The following LMO7 variants were observed in gnomAD, a reference collection of about 807,000 sequenced individuals.
LMO7 encodes the protein LIM domain 7.
In LMO7, 120 loss-of-function variants were observed where a neutral mutation model predicts 206.5. That is an observed-to-expected ratio of 0.58 (90% CI 0.50 to 0.68). The LOEUF is 0.68. LMO7 is among the 30% of genes least tolerant of loss of function. LMO7 has a pLI of 0.00. For synonymous variants in LMO7, 706 were observed against 681.5 expected (o/e 1.04, Z -0.56); for missense variants, 1,959 against 1,957.9 (o/e 1.00, Z -0.01).
At chr13:75,633,997 ATT>A (rs3036384), upstream of LMO7, among the ~76,000 whole-genome samples, 54 of 141,160 alleles carry the variant, frequency 3.8e-4, no homozygotes, top group Admixed American at 1.0e-3. Flanking sequence ...CGTCCAGCTA[ATT>A]TTTTTTTTTT....
chr13:75,677,989 T>C (rs34859014), intron 1 of LMO7, among the ~76,000 whole-genome samples: 14,577 of 152,206 alleles, frequency 0.096, 765 homozygotes, highest in Middle Eastern at 0.12. Context: ...TTTTTATGCC[T>C]GTATAGTATT....
At chr13:75,654,600 A>G (rs1158363024) in intron 1 of LMO7, among the ~76,000 whole-genome samples, 3 of 152,132 alleles carry the variant, frequency 2.0e-5, no homozygotes, top group African/African-American at 7.2e-5. Context: ...CAAAACAACC[A>G]GCATAGAATA....
chr13:75,735,371 A>T (rs752482333), intron 3 of LMO7, among the ~76,000 whole-genome samples: 82 of 152,144 alleles, frequency 5.4e-4, no homozygotes, highest in Admixed American at 1.6e-3. Flanking sequence ...GTATACACAC[A>T]CACACACACA....
At chr13:75,709,495 T>C (rs1396808789) in intron 1 of LMO7, among the ~76,000 whole-genome samples, 1 of 151,996 alleles carries the variant, frequency 6.6e-6, no homozygotes, top group Non-Finnish European at 1.5e-5. Context: ...CCATTCTAAC[T>C]GGTGTGAGAT....
At chr13:75,800,633 T>A (rs1206728505) in intron 6 of LMO7, 51 bp from the exon 7 acceptor site, 2 of 1,521,074 alleles carry the variant, frequency 1.3e-6, no homozygotes, top group African/African-American at 1.4e-5. Flanking sequence ...ATTGATTATA[T>A]TTTTTGGAAG....
chr13:75,846,335 A>C (rs1425350176), intron 26 of LMO7, among the ~76,000 whole-genome samples: 1 of 152,142 alleles, frequency 6.6e-6, no homozygotes, highest in Non-Finnish European at 1.5e-5. Flanking sequence ...ATCTGGTTCT[A>C]GTTTAACTTT....
intron 7 of LMO7, among the ~76,000 whole-genome samples, chr13:75,803,171 C>T (rs2054994224): frequency 6.6e-6 from 1 of 152,206 alleles, no homozygotes; most frequent in Admixed American, 6.5e-5. Flanking sequence ...TACTTTCCCT[C>T]TTTTGCCAAG....
chr13:75,823,817 A>G lies in LMO7; in HGVS notation c.2893A>G (p.Met965Val), dbSNP rs143899312. Residue 965 changes from methionine to valine, a missense_variant, in exon 15 of 31, where the codon ATG becomes GTG. Met to Val is a conservative substitution (Grantham distance 21). Transcript: ENST00000377534. ...GTCTTCCACATCTGGTCTTGATTTA[A>G]TGTCTGAATCTGGAGAAGGGGAAAT... The part of the protein sequence containing the change: ...TLSSTSGLDL[M>V]SESGEGEISP... 97 of 1,614,004 alleles carry G rather than the reference A, an allele frequency of 6.0e-5. 1 individual carries two copies. The highest frequency in any genetic ancestry group is 7.7e-5 in the South Asian group (7 of 91,092).
chr13:75,778,940 GT>G (rs2050908322), intron 4 of LMO7, among the ~76,000 whole-genome samples: 1 of 152,128 alleles, frequency 6.6e-6, no homozygotes, highest in Non-Finnish European at 1.5e-5. Context: ...GAGGAGAAGG[GT>G]ATAAGGCAAG....
chr13:75,772,592 C>T (rs1330060073), intron 4 of LMO7, among the ~76,000 whole-genome samples: 3 of 152,008 alleles, frequency 2.0e-5, no homozygotes, highest in African/African-American at 4.8e-5. Flanking sequence ...AAATGGAAAC[C>T]CTCATATGAC....
chr13:75,782,114 A>C (rs1001278330), intron 4 of LMO7, among the ~76,000 whole-genome samples: 27 of 152,196 alleles, frequency 1.8e-4, no homozygotes, highest in African/African-American at 6.5e-4. Flanking sequence ...TTTGCTGTAC[A>C]GAAGCTCTTT....
chr13:75,847,272 C>T lies in LMO7; in HGVS notation c.4151-1807C>T, dbSNP rs1191543302. ...AATCCAGATTAAGGTGGGAATGATA[C>T]GTCAAAGTTGTGGGTGTTTTACCCC... On this transcript the variant is annotated intron_variant, in intron 26 of 30. Coordinates refer to ENST00000377534, the MANE Select transcript of LMO7 (RefSeq NM_001306080.2). Among the ~76,000 whole-genome samples, 5 of 152,278 alleles carry T rather than the reference C, an allele frequency of 3.3e-5. No homozygotes were observed. The South Asian group carries it at 8.3e-4, about 25-fold the overall frequency.
intron 15 of LMO7, among the ~76,000 whole-genome samples, chr13:75,830,639 A>C (rs1292499582): frequency 1.3e-5 from 2 of 152,162 alleles, no homozygotes; most frequent in African/African-American, 4.8e-5. Flanking sequence ...GGAGGAGGTT[A>C]TCTGCCCTTT....
At chr13:75,695,528 A>G (rs1010480925) in intron 1 of LMO7, among the ~76,000 whole-genome samples, 12 of 152,138 alleles carry the variant, frequency 7.9e-5, no homozygotes, top group Admixed American at 2.0e-4. Context: ...TGTATTTTTA[A>G]TAGAGACGGG....
chr13:75,716,350 G>A (rs752480452), intron 2 of LMO7, among the ~76,000 whole-genome samples: 57 of 152,152 alleles, frequency 3.7e-4, no homozygotes, highest in Non-Finnish European at 6.6e-4. Flanking sequence ...GAGTAATGAG[G>A]ATAGTTATAT....
At chr13:75,835,591 G>A (rs533646198) in intron 18 of LMO7, among the ~76,000 whole-genome samples, 1 of 152,262 alleles carries the variant, frequency 6.6e-6, no homozygotes, top group East Asian at 1.9e-4. Context: ...TTTTGCAGGT[G>A]TTTTCCACCA....
In LMO7 at chr13:75,622,824, C is replaced by T. The variant is rs537079595; in HGVS notation, c.176-447C>T. Among the ~76,000 whole-genome samples, 3 of 152,290 alleles carry T rather than the reference C, an allele frequency of 2.0e-5. No individual in the cohort carries two copies. The East Asian group carries it at 5.8e-4, about 29-fold the overall frequency. On this transcript the variant is annotated intron_variant, in intron 1 of 29. Transcript: ENST00000341547. ...AAAGCAGATCTTAAAGTTAATAACT[C>T]CAGCTTTTTTTGGTTTAGTATTCGA... is the stretch of plus-strand genomic sequence containing the variant.
intron 11 of LMO7, among the ~76,000 whole-genome samples, chr13:75,814,370 G>A (rs1325278209): frequency 6.6e-6 from 1 of 152,138 alleles, no homozygotes; most frequent in East Asian, 1.9e-4. Context: ...GTGAGGAAGA[G>A]AATCCAAACA....
intron 4 of LMO7, among the ~76,000 whole-genome samples, chr13:75,781,971 GTTGT>G (rs2051541106): frequency 2.0e-5 from 3 of 152,080 alleles, no homozygotes; most frequent in African/African-American, 7.2e-5. Flanking sequence ...TTTTGATGGG[GTTGT>G]TTGTTTTTTT....
Sources: gnomAD v4.1 joint callset for allele counts (sites outside exome capture counted in the v4.1 genomes callset) on GRCh38, gnomAD v4.1.1 for gene constraint, MANE v1.5 for transcripts, NCBI Gene and HGNC (gene_info 2026-07-23, HGNC 2026-07-21) for gene names.